Variants in SNTG1 observed in about 807,000 individuals in gnomAD.
The protein encoded by SNTG1 is gamma-1-syntrophin.
In SNTG1, 39 loss-of-function variants were observed where a neutral mutation model predicts 74.7. The ratio of observed to expected loss-of-function variants is 0.52; its 90% CI spans 0.40 to 0.68. SNTG1 has a LOEUF of 0.68. Ranked by LOEUF, SNTG1 falls within the 30% of genes least tolerant of loss-of-function variation. The pLI, the probability that SNTG1 is intolerant of heterozygous loss-of-function variation, is 0.00. For synonymous variants in SNTG1, 254 were observed against 217.1 expected, an observed-to-expected ratio of 1.17 and a Z score of -1.49; for missense variants, 685 against 609.5, an observed-to-expected ratio of 1.12 and a Z score of -1.30.
intron 1 of SNTG1, among the ~76,000 whole-genome samples, chr8:49,977,665 T>C (rs1302038741): frequency 1.3e-5 from 2 of 152,220 alleles, no homozygotes; most frequent in Non-Finnish European, 2.9e-5. Flanking sequence ...TGTTCACTTA[T>C]CTTTACTCAA....
chr8:50,418,742 C>G (rs1563359471), intron 4 of SNTG1, among the ~76,000 whole-genome samples: 2 of 152,056 alleles, frequency 1.3e-5, no homozygotes. Flanking sequence ...CTTGATTATT[C>G]CCCAAATTAA....
chr8:50,619,448 G>A (rs572057448), intron 13 of SNTG1, among the ~76,000 whole-genome samples: 13 of 152,188 alleles, frequency 8.5e-5, no homozygotes, highest in Middle Eastern at 3.4e-3. Flanking sequence ...ATGGCTCACA[G>A]GGGCCGGGCA....
intron 2 of SNTG1, among the ~76,000 whole-genome samples, chr8:50,220,721 G>A (rs2085021940): frequency 6.6e-6 from 1 of 152,266 alleles, no homozygotes; most frequent in South Asian, 2.1e-4. Flanking sequence ...GCCCTGAGAA[G>A]GACCCTGGCA....
chr8:50,255,674 T>C (rs747778740), intron 2 of SNTG1, among the ~76,000 whole-genome samples: 3 of 152,214 alleles, frequency 2.0e-5, no homozygotes, highest in Non-Finnish European at 2.9e-5. Flanking sequence ...TGTCTGCATG[T>C]TTATGTCTAA....
chr8:50,517,404 G>A (rs2094142426), intron 9 of SNTG1, among the ~76,000 whole-genome samples: 1 of 151,622 alleles, frequency 6.6e-6, no homozygotes, highest in Non-Finnish European at 1.5e-5. Context: ...AAAATAACTG[G>A]GTAGCATCAT....
chr8:50,646,492 G>A (rs764452869), intron 13 of SNTG1, among the ~76,000 whole-genome samples: 5 of 152,138 alleles, frequency 3.3e-5, no homozygotes, highest in Non-Finnish European at 7.4e-5. Context: ...AGATAAATTT[G>A]TGGGTTTGTT....
At chr8:50,551,384 A>G (rs2094425528) in intron 11 of SNTG1, among the ~76,000 whole-genome samples, 1 of 152,190 alleles carries the variant, frequency 6.6e-6, no homozygotes, top group African/African-American at 2.4e-5. Context: ...ATCTATAATT[A>G]CATAGATTGA....
At chr8:50,766,678 A>G (rs2095614706) in intron 18 of SNTG1, among the ~76,000 whole-genome samples, 1 of 151,906 alleles carries the variant, frequency 6.6e-6, no homozygotes, top group African/African-American at 2.4e-5. Context: ...AAGAGAATAT[A>G]CCTATTTATT....
At chr8:50,093,180 A>G (rs2079803191) in intron 1 of SNTG1, among the ~76,000 whole-genome samples, 1 of 152,134 alleles carries the variant, frequency 6.6e-6, no homozygotes, top group South Asian at 2.1e-4. Context: ...ACTCTAAAGT[A>G]ATTCTCAAAC....
intron 1 of SNTG1, among the ~76,000 whole-genome samples, chr8:50,108,444 T>A (rs1356713573): frequency 1.3e-5 from 2 of 152,144 alleles, no homozygotes; most frequent in Non-Finnish European, 2.9e-5. Context: ...GGGATTGAAT[T>A]TGATGTTGTG....
At chr8:50,175,548 G>C (rs2082967085) in intron 2 of SNTG1, among the ~76,000 whole-genome samples, 1 of 152,148 alleles carries the variant, frequency 6.6e-6, no homozygotes, top group South Asian at 2.1e-4. Flanking sequence ...GTGTAAGAGG[G>C]GGTCATTTAT....
At chr8:49,948,032 G>C (rs1267211654) in intron 1 of SNTG1, among the ~76,000 whole-genome samples, 1 of 152,054 alleles carries the variant, frequency 6.6e-6, no homozygotes, top group Non-Finnish European at 1.5e-5. Flanking sequence ...TCAGGAAACT[G>C]AGGCAGGAGA....
rs1425049092 is a variant in SNTG1 at position 50,449,813 on chromosome 8, A to G, written c.277+88A>G. ...ATGATATTCAAGAATCCTAAATTACAATGTGATTGACTGGCTCCAGCTTCC... is the reference window on the plus strand; with the variant it reads ...ATGATATTCAAGAATCCTAAATTACGATGTGATTGACTGGCTCCAGCTTCC... On this transcript the variant is annotated intron_variant, in intron 6 of 18. Transcript: ENST00000642720. 3.5e-6 allele frequency: 4 copies of G among 1,151,888 alleles called. 1 individual carries two copies. The Admixed American group carries it at 8.0e-5, about 23-fold the overall frequency. The allele number at this position is 1,151,888 out of a possible 1,614,324, so 71.4% of individuals were successfully genotyped here.
intron 4 of SNTG1, among the ~76,000 whole-genome samples, chr8:50,429,100 TA>T (rs999500937): frequency 2.6e-5 from 4 of 152,046 alleles, no homozygotes; most frequent in Admixed American, 6.6e-5. Context: ...TAAATCCCTA[TA>T]AAAAAATCCC....
At chr8:50,544,439 AT>A (rs1301604560) in intron 11 of SNTG1, among the ~76,000 whole-genome samples, 1 of 151,824 alleles carries the variant, frequency 6.6e-6, no homozygotes, top group Non-Finnish European at 1.5e-5. Context: ...TTTTGGTTCT[AT>A]TTTCCTTCTA....
intron 1 of SNTG1, among the ~76,000 whole-genome samples, chr8:49,985,085 A>G (rs1813033693): frequency 6.6e-6 from 1 of 152,242 alleles, no homozygotes; most frequent in Non-Finnish European, 1.5e-5. Context: ...ATTGAGAATG[A>G]AAGTTTCAGA....
chr8:50,083,255 G>A (rs537567822), intron 1 of SNTG1, among the ~76,000 whole-genome samples: 22 of 152,190 alleles, frequency 1.4e-4, no homozygotes, highest in Admixed American at 5.2e-4. Context: ...TGATTTGACC[G>A]TTTGTTCAAT....
At chr8:50,204,523 GTTGAAAATACATCT>G (rs2084121162) in intron 2 of SNTG1, among the ~76,000 whole-genome samples, 1 of 152,014 alleles carries the variant, frequency 6.6e-6, no homozygotes. Flanking sequence ...ATGTAAATTT[GTTGAAAATACATCT>G]TTGAAAATAA....
At chr8:50,306,626 A>T (rs2089909407) in intron 2 of SNTG1, among the ~76,000 whole-genome samples, 1 of 151,922 alleles carries the variant, frequency 6.6e-6, no homozygotes. Flanking sequence ...TGTGGTTTTA[A>T]TTTGCATTTC....
Sources: gnomAD v4.1 joint callset for allele counts (sites outside exome capture counted in the v4.1 genomes callset) on GRCh38, gnomAD v4.1.1 for gene constraint, MANE v1.5 for transcripts, NCBI Gene and HGNC (gene_info 2026-07-23, HGNC 2026-07-21) for gene names.